The following FMN1 variants were observed in gnomAD, a reference collection of about 807,000 sequenced individuals.
The protein encoded by FMN1 is formin 1.
FMN1 carries 110 observed loss-of-function variants against 132.4 expected under a neutral mutation model. That is an observed-to-expected ratio of 0.83 (90% confidence interval 0.71 to 0.97). The LOEUF (loss-of-function observed/expected upper bound fraction) is 0.97. Ranked by LOEUF, FMN1 falls within the 50% of genes least tolerant of loss-of-function variation. The pLI, the probability that FMN1 is intolerant of heterozygous loss-of-function variation, is 0.00. For missense variants in FMN1, 1,792 were observed against 1,705.3 expected (o/e 1.05, Z -0.90); for synonymous variants, 722 against 651.7 (o/e 1.11, Z -1.64).
intron 2 of FMN1, among the ~76,000 whole-genome samples, chr15:33,192,892 A>G (rs187628293): frequency 6.6e-6 from 1 of 152,334 alleles, no homozygotes; most frequent in East Asian, 1.9e-4. Context: ...AGAGACAGGT[A>G]GTATTATCCC....
intron 17 of FMN1, among the ~76,000 whole-genome samples, chr15:32,852,093 A>G (rs1429494261): frequency 1.3e-5 from 2 of 152,126 alleles, no homozygotes; most frequent in East Asian, 3.9e-4. Context: ...TATCTCATTC[A>G]TTCCTATGAC....
At position 33,072,087 on chromosome 15, in the gene FMN1, C is replaced by A. The variant is rs565187970; in HGVS notation, c.2044-7013G>T. On this transcript the variant is annotated intron_variant, in intron 5 of 20. Transcript: ENST00000616417. ...ATCTTCACCAAAACAAACAAACAAA[C>A]AAAAAAACAACCTTATACTGAGGAT... Among the ~76,000 whole-genome samples the A allele has an allele frequency of 2.8e-3, 418 of 151,998 alleles. 3 individuals carry two copies. The highest frequency in any genetic ancestry group is 9.7e-3 in the African/African-American group (402 of 41,472).
intron 16 of FMN1, among the ~76,000 whole-genome samples, chr15:32,874,273 G>A (rs542827503): frequency 6.6e-5 from 10 of 151,884 alleles, no homozygotes; most frequent in Admixed American, 2.0e-4. Flanking sequence ...TGCCTGCCTC[G>A]GCCTCCCAAA....
intron 4 of FMN1, among the ~76,000 whole-genome samples, chr15:33,113,896 T>C (rs2039810601): frequency 2.0e-5 from 3 of 152,202 alleles, no homozygotes; most frequent in Admixed American, 1.3e-4. Flanking sequence ...TACTGTTCCT[T>C]TAATTAGCCT....
At chr15:32,866,594 A>C (rs1325161352) in intron 16 of FMN1, among the ~76,000 whole-genome samples, 1 of 152,154 alleles carries the variant, frequency 6.6e-6, no homozygotes. Context: ...TGTGTGTTTA[A>C]TAAACAAATC....
chr15:33,175,038 T>G (rs557775808), intron 3 of FMN1, among the ~76,000 whole-genome samples: 1 of 144,728 alleles, frequency 6.9e-6, no homozygotes, highest in East Asian at 1.9e-4. Context: ...AACGATTTTT[T>G]TTTTTTTAGA....
At chr15:33,041,912 AG>A (rs1566857937) in intron 6 of FMN1, among the ~76,000 whole-genome samples, 16 of 150,966 alleles carry the variant, frequency 1.1e-4, no homozygotes, top group African/African-American at 3.9e-4. Context: ...TAAATTTCAC[AG>A]TGTTTTTTTT....
chr15:33,079,640 C>T (rs1382909474), intron 5 of FMN1, among the ~76,000 whole-genome samples: 4 of 152,338 alleles, frequency 2.6e-5, no homozygotes, highest in African/African-American at 9.6e-5. Context: ...GAAAGCTGAG[C>T]TGTTAGCAGA....
At chr15:32,780,624 C>T (rs2056632973) in intron 19 of FMN1, among the ~76,000 whole-genome samples, 1 of 152,144 alleles carries the variant, frequency 6.6e-6, no homozygotes, top group African/African-American at 2.4e-5. Flanking sequence ...ACAGACTCAC[C>T]CTGTATCCTT....
At chr15:33,024,547 A>T (rs1042109687) in intron 6 of FMN1, among the ~76,000 whole-genome samples, 1 of 152,144 alleles carries the variant, frequency 6.6e-6, no homozygotes, top group Non-Finnish European at 1.5e-5. Context: ...CGCCTGGCCC[A>T]GATTTAAAAA....
intron 10 of FMN1, among the ~76,000 whole-genome samples, chr15:32,912,978 G>C (rs2060600259): frequency 6.6e-6 from 1 of 152,178 alleles, no homozygotes; most frequent in African/African-American, 2.4e-5. Flanking sequence ...TTGTAAATGT[G>C]TTTTAATGCT....
intron 10 of FMN1, among the ~76,000 whole-genome samples, chr15:32,920,846 T>C (rs375156572): frequency 4.1e-4 from 62 of 152,360 alleles, no homozygotes; most frequent in African/African-American, 1.4e-3. Context: ...ACGTGGTCTC[T>C]TCTCTACATT....
chr15:33,062,635 T>C (rs780522787), intron 6 of FMN1: 1 of 152,116 alleles, frequency 6.6e-6, no homozygotes, highest in Non-Finnish European at 1.5e-5. Flanking sequence ...AAAATAGTAA[T>C]AATAATAATC....
intron 18 of FMN1, 32 bp downstream of exon 18, chr15:32,804,249 G>GA (rs2057580820): frequency 1.3e-6 from 2 of 1,514,500 alleles, no homozygotes; most frequent in Admixed American, 4.0e-5. Flanking sequence ...GCTAGTCAAA[G>GA]AAAGAACTGG....
chr15:33,157,744 C>G (rs1413145190), intron 3 of FMN1, among the ~76,000 whole-genome samples: 1 of 152,098 alleles, frequency 6.6e-6, no homozygotes, highest in Non-Finnish European at 1.5e-5. Context: ...GTAATCCCAG[C>G]ACGTTGGGAG....
intron 6 of FMN1, among the ~76,000 whole-genome samples, chr15:33,042,972 G>A (rs1456697717): frequency 6.6e-6 from 1 of 151,978 alleles, no homozygotes; most frequent in African/African-American, 2.4e-5. Flanking sequence ...ACAAATAATG[G>A]AAGCGAAATC....
chr15:32,792,025 A>T (rs535018012), intron 19 of FMN1, among the ~76,000 whole-genome samples: 19 of 152,250 alleles, frequency 1.2e-4, no homozygotes, highest in Non-Finnish European at 2.4e-4. Context: ...ACTGAGATTT[A>T]CCTTGGGGAA....
At chr15:33,123,913 C>G (rs938770060) in intron 4 of FMN1, among the ~76,000 whole-genome samples, 3 of 152,220 alleles carry the variant, frequency 2.0e-5, no homozygotes, top group African/African-American at 7.2e-5. Flanking sequence ...CTACATCTCT[C>G]GATTCTGTTC....
chr15:32,872,593 C>T (rs977633048), intron 16 of FMN1, among the ~76,000 whole-genome samples: 16 of 152,222 alleles, frequency 1.1e-4, no homozygotes, highest in Admixed American at 3.9e-4. Flanking sequence ...AGGCCACAGG[C>T]CTGAGCCTCT....
Sources: gnomAD v4.1 joint callset for allele counts (sites outside exome capture counted in the v4.1 genomes callset) on GRCh38, gnomAD v4.1.1 for gene constraint, MANE v1.5 for transcripts, NCBI Gene and HGNC (gene_info 2026-07-23, HGNC 2026-07-21) for gene names.